The following POLDIP3 variants were observed in gnomAD, a reference collection of about 807,000 sequenced individuals.
The protein encoded by POLDIP3 is DNA polymerase delta interacting protein 3.
Under a neutral mutation model 45.1 loss-of-function variants are expected in POLDIP3, and 14 were observed. The observed-to-expected ratio is 0.31, with a 90% CI of 0.20 to 0.49. POLDIP3 has a LOEUF of 0.49. Ranked by LOEUF, POLDIP3 falls within the 20% of genes least tolerant of loss-of-function variation. The pLI, the probability that POLDIP3 is intolerant of heterozygous loss-of-function variation, is 0.99. For missense variants in POLDIP3, 511 were observed against 538.8 expected (o/e 0.95, Z 0.51); for synonymous variants, 223 against 205.2 (o/e 1.09, Z -0.74).
At chr22:42,607,582 T>C (rs1264310981) in intron 1 of POLDIP3, among the ~76,000 whole-genome samples, 1 of 148,450 alleles carries the variant, frequency 6.7e-6, no homozygotes, top group African/African-American at 2.5e-5. Context: ...GTCTGGGATG[T>C]GAGGAGCCCC....
chr22:42,609,160 C>T (rs1198042677), intron 1 of POLDIP3, among the ~76,000 whole-genome samples: 1 of 152,234 alleles, frequency 6.6e-6, no homozygotes, highest in Non-Finnish European at 1.5e-5. Flanking sequence ...GGCCTCGGCT[C>T]TGGCTCCAGC....
chr22:42,593,665 C>T (rs764132994), intron 6 of POLDIP3, among the ~76,000 whole-genome samples: 4 of 152,132 alleles, frequency 2.6e-5, no homozygotes, highest in Non-Finnish European at 4.4e-5. Flanking sequence ...ACTACAGGCA[C>T]GTGCCACCAC....
rs140666600 is a variant in POLDIP3, at chr22:42,586,068, G to C, written c.1089-100C>G. ...GGCATCTGTCATGAGCTAGGCACTG[G>C]GTGTAACACTTTCCATACCCCTTCA... On this transcript the variant is annotated intron_variant, in intron 8 of 8. Transcript: ENST00000252115. The C allele has an allele frequency of 5.3e-4, 591 of 1,123,346 alleles. 2 individuals carry two copies. The highest frequency in any genetic ancestry group is 6.3e-4 in the Admixed American group (23 of 36,272). 69.6% of individuals were successfully genotyped at this position (1,123,346 alleles called of 1,614,324 possible).
At chr22:42,611,624 T>G (rs926499021) in intron 1 of POLDIP3, among the ~76,000 whole-genome samples, 10 of 152,158 alleles carry the variant, frequency 6.6e-5, no homozygotes. Flanking sequence ...CCAGGCACGG[T>G]GGCACTTTGG....
chr22:42,589,856 C>T (rs1459876971), intron 7 of POLDIP3, among the ~76,000 whole-genome samples: 1 of 141,606 alleles, frequency 7.1e-6, no homozygotes, highest in South Asian at 2.3e-4. Flanking sequence ...AAAAAAAAAA[C>T]AGAACCTCAG....
At chr22:42,586,019 G>T (rs1261281561) in intron 8 of POLDIP3, 51 bp from the exon 9 acceptor site, 1 of 1,513,328 alleles carries the variant, frequency 6.6e-7, no homozygotes, top group Admixed American at 2.1e-5. Context: ...TTCCTTAGAT[G>T]GGGAGGGGAC....
At chr22:42,596,390 C>A in intron 4 of POLDIP3, 25 bp from the exon 5 acceptor site, 3 of 1,607,272 alleles carry the variant, frequency 1.9e-6, no homozygotes, top group Non-Finnish European at 2.6e-6. Context: ...AGAAAAGAAT[C>A]TGAGAAGCCA....
chr22:42,599,028 A>C (rs966504139), intron 4 of POLDIP3, among the ~76,000 whole-genome samples: 5 of 152,254 alleles, frequency 3.3e-5, no homozygotes, highest in Non-Finnish European at 7.3e-5. Context: ...CCAGACTCCA[A>C]GAGCAGCGCC....
chr22:42,601,468 G>C (rs1926368895), intron 3 of POLDIP3, among the ~76,000 whole-genome samples: 1 of 150,588 alleles, frequency 6.6e-6, no homozygotes, highest in Non-Finnish European at 1.5e-5. Flanking sequence ...CCTCTATTAA[G>C]AAGTTTCTTC....
intron 7 of POLDIP3, among the ~76,000 whole-genome samples, chr22:42,589,947 T>C (rs762685012): frequency 1.4e-5 from 2 of 147,602 alleles, no homozygotes; most frequent in African/African-American, 2.5e-5. Flanking sequence ...CAAGACATAA[T>C]AGACATGTAC....
chr22:42,604,426 T>A (rs1261958542), intron 1 of POLDIP3, among the ~76,000 whole-genome samples: 1 of 152,158 alleles, frequency 6.6e-6, no homozygotes, highest in African/African-American at 2.4e-5. Context: ...AGATGCTGAA[T>A]CCAAAATCTG....
At chr22:42,590,239 A>C (rs925798210) in intron 7 of POLDIP3, among the ~76,000 whole-genome samples, 2 of 152,252 alleles carry the variant, frequency 1.3e-5, no homozygotes, top group South Asian at 4.1e-4. Context: ...TACATTCCAG[A>C]GTGCAGTGGC....
At chr22:42,587,706 G>A (rs1353282019) in intron 7 of POLDIP3, 134 bp from the exon 8 acceptor site, 3 of 811,264 alleles carry the variant, frequency 3.7e-6, no homozygotes, top group South Asian at 3.2e-5. Context: ...GATGGAGATG[G>A]GGCTGCTAGG....
At chr22:42,598,168 T>A (rs1926114923) in intron 4 of POLDIP3, among the ~76,000 whole-genome samples, 1 of 147,362 alleles carries the variant, frequency 6.8e-6, no homozygotes, top group Non-Finnish European at 1.5e-5. Context: ...CTGTAAGCTC[T>A]GCCTCCCAGG....
In POLDIP3 at chr22:42,599,798, G is replaced by A. The variant is rs764059550; in HGVS notation, c.538-5C>T. The A allele has an allele frequency of 6.3e-7, 1 of 1,585,088 alleles. No individual in the cohort carries two copies. The highest frequency in any genetic ancestry group is 8.7e-7 in the Non-Finnish European group (1 of 1,155,200). On this transcript the variant is annotated splice_region_variant and splice_polypyrimidine_tract_variant and intron_variant, in intron 3 of 8. Transcript: ENST00000252115. The stretch of plus-strand genomic sequence containing the variant: ...TTCATCCAGGTCATATAAATTCTGA[G>A]AATATAACATAAAGAAATATAAGCA...
chr22:42,605,958 A>C (rs1926697751), intron 1 of POLDIP3, among the ~76,000 whole-genome samples: 1 of 152,018 alleles, frequency 6.6e-6, no homozygotes, highest in Non-Finnish European at 1.5e-5. Context: ...CCTGGCCAAC[A>C]TGGTGAAACC....
intron 6 of POLDIP3, among the ~76,000 whole-genome samples, chr22:42,592,456 G>A (rs1415854954): frequency 6.6e-6 from 1 of 152,238 alleles, no homozygotes; most frequent in African/African-American, 2.4e-5. Context: ...TATGTCACCT[G>A]AGAATCTGTT....
At position 42,585,900 on chromosome 22, in the gene POLDIP3, G is replaced by A. The variant is rs775980413; in HGVS notation, c.1157C>T (p.Ser386Phe). Reference sequence around the variant, plus strand: ...GTCCACTTCGGCAGGGGGGTTGGAGGAGGAGGCAGAGTTCACCCTGCGAGG... The same window carrying A: ...GTCCACTTCGGCAGGGGGGTTGGAGAAGGAGGCAGAGTTCACCCTGCGAGG... ...ELPRRVNSAS[S>F]SNPPAEVDPD... Residue 386 changes from serine to phenylalanine, a missense_variant, in exon 9 of 9, where the codon TCC (serine) becomes TTC (phenylalanine). Physicochemically the swap from Ser to Phe is radical, Grantham distance 155. Around this residue, in one of 4 missense-constraint regions of POLDIP3, gnomAD observed 45 missense variants for 34.3 expected, o/e 1.31. Coordinates refer to ENST00000252115, the MANE Select transcript of POLDIP3 (RefSeq NM_032311.5). The A allele has an allele frequency of 2.4e-5, 38 of 1,613,478 alleles. No homozygotes were observed. Among genetic ancestry groups the A allele is most frequent in the Middle Eastern group, 1.8e-4 (1 of 5,566 alleles).
chr22:42,585,962 C>G lies in POLDIP3; in HGVS notation c.1095G>C (p.Leu365=). Residue 365 remains leucine, a synonymous_variant, in exon 9 of 9, where the codon CTG becomes CTC. Coordinates refer to ENST00000252115, the MANE Select transcript of POLDIP3 (RefSeq NM_032311.5). ...ITSDQPILLR[L]SDSPSMKKES... is the part of the protein sequence containing the mutation. ...CCTTTTTCATTGATGGGCTGTCACT[C>G]AGCCGCCTGTGGAGAGCAGAGAAGA... The G allele has an allele frequency of 6.2e-7, 1 of 1,611,002 alleles. No homozygotes were observed. Among genetic ancestry groups the G allele is most frequent in the Non-Finnish European group, 8.5e-7 (1 of 1,178,552 alleles).
Sources: gnomAD v4.1 joint callset for allele counts (sites outside exome capture counted in the v4.1 genomes callset) on GRCh38, gnomAD v4.1.1 for gene constraint, gnomAD v4.1.1 regional missense constraint, MANE v1.5 for transcripts, NCBI Gene and HGNC (gene_info 2026-07-23, HGNC 2026-07-21) for gene names.